The following SYNPR variants were observed in gnomAD, a reference collection of about 807,000 sequenced individuals.
The protein encoded by SYNPR is synaptoporin.
Under a neutral mutation model 32.9 loss-of-function variants are expected in SYNPR, and 23 were observed. The observed-to-expected ratio is 0.70, with a 90% CI of 0.50 to 0.99. SYNPR has a LOEUF of 0.99. Ranked by LOEUF, SYNPR falls within the 50% of genes least tolerant of loss-of-function variation. SYNPR has a pLI of 0.00. For missense variants in SYNPR, 318 were observed against 349.3 expected (o/e 0.91, Z 0.71); for synonymous variants, 146 against 135.9 (o/e 1.07, Z -0.52).
chr3:63,254,198 T>G lies in SYNPR; in HGVS notation n.154+1612T>G, dbSNP rs182899088. 5.8e-4 allele frequency among the ~76,000 whole-genome samples: 88 copies of G among 152,168 alleles called. 2 individuals are homozygous for G. In the South Asian group the frequency reaches 8.1e-3, roughly 14 times the overall value. On this transcript the variant is annotated intron_variant and non_coding_transcript_variant, in intron 2 of 4. Coordinates refer to the SYNPR transcript ENST00000478456. ...TGGGGGGAGAGGGAAGGGATAGCAT[T>G]AGGAGATATACCTAATGTTAAATGA...
chr3:63,601,128 C>T (rs553041873), intron 4 of SYNPR, among the ~76,000 whole-genome samples: 8 of 152,108 alleles, frequency 5.3e-5, no homozygotes, highest in South Asian at 2.1e-4. Context: ...CAAAATTAGC[C>T]GGGCTTGGTG....
chr3:63,601,408 T>C (rs1032460472), intron 4 of SYNPR, among the ~76,000 whole-genome samples: 2 of 152,210 alleles, frequency 1.3e-5, no homozygotes, highest in East Asian at 1.9e-4. Flanking sequence ...TATAGGTAAA[T>C]TGCATGTCAC....
At chr3:63,292,086 T>A (rs1475812356) in intron 2 of SYNPR, among the ~76,000 whole-genome samples, 1 of 152,196 alleles carries the variant, frequency 6.6e-6, no homozygotes, top group Non-Finnish European at 1.5e-5. Context: ...GGTATTTGTG[T>A]ATCTAAACAG....
chr3:63,290,683 T>C (rs1486088386), intron 2 of SYNPR, among the ~76,000 whole-genome samples: 1 of 152,330 alleles, frequency 6.6e-6, no homozygotes, highest in East Asian at 1.9e-4. Flanking sequence ...AGGAAGGATA[T>C]GGATATTTAG....
intron 2 of SYNPR, among the ~76,000 whole-genome samples, chr3:63,359,172 C>G (rs530027164): frequency 1.2e-4 from 19 of 152,244 alleles, no homozygotes; most frequent in African/African-American, 4.3e-4. Flanking sequence ...AGAGAAGCAC[C>G]TTCCTCTTTC....
upstream of SYNPR, among the ~76,000 whole-genome samples, chr3:63,274,823 T>A (rs2086561243): frequency 6.6e-6 from 1 of 152,136 alleles, no homozygotes; most frequent in Admixed American, 6.5e-5. Context: ...AGTAGTGTCA[T>A]CTCCATCCCC....
intron 2 of SYNPR, among the ~76,000 whole-genome samples, chr3:63,420,452 G>A (rs1217957722): frequency 1.3e-5 from 2 of 152,122 alleles, no homozygotes; most frequent in Non-Finnish European, 1.5e-5. Context: ...CTGCAAATCA[G>A]TGCAAAAATG....
At chr3:63,301,046 C>T (rs10510894) in intron 2 of SYNPR, among the ~76,000 whole-genome samples, 1 of 152,028 alleles carries the variant, frequency 6.6e-6, no homozygotes, top group African/African-American at 2.4e-5. Context: ...GAAAAGAGAA[C>T]TGGATTTGAA....
At chr3:63,445,531 C>G (rs1242189387) in intron 2 of SYNPR, 13 of 699,656 alleles carry the variant, frequency 1.9e-5, no homozygotes, top group Non-Finnish European at 3.4e-5. Context: ...ATCAGCTCCT[C>G]TCTTCTTTTT....
chr3:63,559,534 T>C (rs775569968), intron 4 of SYNPR, among the ~76,000 whole-genome samples: 8 of 152,226 alleles, frequency 5.3e-5, no homozygotes, highest in Non-Finnish European at 7.3e-5. Context: ...ATCCCTATTA[T>C]AGAGATCTGA....
Position 63,369,784 on chromosome 3 carries a change from C to G in SYNPR, c.84+91042C>G, listed in dbSNP as rs368482867. On this transcript the variant is annotated intron_variant, in intron 2 of 5. Coordinates refer to ENST00000478300, the MANE Select transcript of SYNPR (RefSeq NM_001130003.2). ...TGTAATTGGGACAACAATCAATCAG[C>G]TAATACCATATTTTGCTTATATTTT... 2.6e-5 allele frequency among the ~76,000 whole-genome samples: 4 copies of G among 152,270 alleles called. No individual in the cohort carries two copies. The South Asian group carries it at 8.3e-4, about 32-fold the overall frequency.
At chr3:63,587,472 A>C (rs1022651006) in intron 4 of SYNPR, among the ~76,000 whole-genome samples, 2 of 152,112 alleles carry the variant, frequency 1.3e-5, no homozygotes, top group Non-Finnish European at 2.9e-5. Context: ...AGTGTAGAAT[A>C]GTAAGTTAAT....
chr3:63,447,836 A>C (rs1700306837), intron 2 of SYNPR, among the ~76,000 whole-genome samples: 1 of 152,076 alleles, frequency 6.6e-6, no homozygotes, highest in Non-Finnish European at 1.5e-5. Context: ...AGTTTCTAGA[A>C]AGCTTACTCA....
At chr3:63,476,480 A>C (rs1469151486) in intron 2 of SYNPR, among the ~76,000 whole-genome samples, 1 of 152,196 alleles carries the variant, frequency 6.6e-6, no homozygotes, top group Admixed American at 6.5e-5. Context: ...GAGCTTCCAG[A>C]TAATGTGATT....
At chr3:63,263,682 G>C (rs962286542) in intron 2 of SYNPR, among the ~76,000 whole-genome samples, 2 of 152,150 alleles carry the variant, frequency 1.3e-5, no homozygotes, top group East Asian at 1.9e-4. Flanking sequence ...CCACAGCTGA[G>C]GGCAAGGGCA....
intron 4 of SYNPR, among the ~76,000 whole-genome samples, chr3:63,563,835 GAGGGCA>G (rs1702736120): frequency 6.6e-6 from 1 of 152,026 alleles, no homozygotes; most frequent in African/African-American, 2.4e-5. Flanking sequence ...GCCTAGAAGT[GAGGGCA>G]TGCCCTTTTC....
chr3:63,264,880 AC>A (rs1183869241), intron 2 of SYNPR, among the ~76,000 whole-genome samples: 2 of 151,422 alleles, frequency 1.3e-5, no homozygotes, highest in Admixed American at 1.3e-4. Flanking sequence ...CCCGAGACTC[AC>A]TATCACGATA....
At chr3:63,388,005 A>G (rs1575619912) in intron 2 of SYNPR, among the ~76,000 whole-genome samples, 1 of 152,192 alleles carries the variant, frequency 6.6e-6, no homozygotes, top group East Asian at 1.9e-4. Flanking sequence ...GGTGAGCCAC[A>G]GCATAGTCAC....
At chr3:63,324,110 C>T (rs940162222) in intron 2 of SYNPR, among the ~76,000 whole-genome samples, 3 of 152,082 alleles carry the variant, frequency 2.0e-5, no homozygotes, top group Non-Finnish European at 4.4e-5. Context: ...GTAACTGTCA[C>T]TTGTGTCTAA....
Sources: allele counts gnomAD v4.1 joint callset (sites outside exome capture counted in the v4.1 genomes callset), GRCh38; gene constraint gnomAD v4.1.1; transcripts MANE v1.5; gene names NCBI Gene and HGNC (gene_info 2026-07-23, HGNC 2026-07-21).